The following GRID2 variants were observed in gnomAD, a reference collection of about 807,000 sequenced individuals.
GRID2 encodes the protein glutamate ionotropic receptor delta type subunit 2.
In GRID2, 33 loss-of-function variants were observed where a neutral mutation model predicts 114.8. The ratio of observed to expected loss-of-function variants is 0.29; its 90% CI spans 0.22 to 0.38. GRID2 has a LOEUF of 0.38. Among genes scored for constraint, GRID2 ranks in the 10% least tolerant of loss-of-function variants. GRID2 has a pLI of 1.00. For missense variants in GRID2, 1,184 were observed against 1,257.7 expected (o/e 0.94, Z 0.89); for synonymous variants, 505 against 449.9 (o/e 1.12, Z -1.55).
intron 8 of GRID2, among the ~76,000 whole-genome samples, chr4:93,308,974 A>C (rs769844442): frequency 6.6e-6 from 1 of 152,210 alleles, no homozygotes; most frequent in African/African-American, 2.4e-5. Context: ...CAACAGCCAC[A>C]CTATCTAAAA....
chr4:93,684,679 A>T (rs1725912298), intron 14 of GRID2, among the ~76,000 whole-genome samples: 1 of 152,044 alleles, frequency 6.6e-6, no homozygotes, highest in Admixed American at 6.6e-5. Context: ...GCCTTACAGG[A>T]TTCTTGCCAC....
At position 92,758,233 on chromosome 4, in the gene GRID2, T is replaced by C. The variant is rs1419509317; in HGVS notation, c.244+167947T>C. Among the ~76,000 whole-genome samples the C allele has an allele frequency of 3.9e-5, 6 of 152,084 alleles. No homozygotes were observed. In the East Asian group the frequency reaches 9.7e-4, roughly 24 times the overall value. ...AATTATCAGCTGAGAATAGGAGAAGTGGTATTGGAGGTTTGAGGACCAAAA... is the reference window on the plus strand; with the variant it reads ...AATTATCAGCTGAGAATAGGAGAAGCGGTATTGGAGGTTTGAGGACCAAAA... On this transcript the variant is annotated intron_variant, in intron 2 of 15. Coordinates refer to ENST00000282020, the MANE Select transcript of GRID2 (RefSeq NM_001510.4).
chr4:93,323,347 A>T (rs1258299035), intron 8 of GRID2, among the ~76,000 whole-genome samples: 2 of 152,166 alleles, frequency 1.3e-5, no homozygotes, highest in Admixed American at 6.6e-5. Context: ...GTCAAAGATC[A>T]GCTGGTTGTA....
intron 2 of GRID2, among the ~76,000 whole-genome samples, chr4:92,874,406 A>C (rs888108290): frequency 2.0e-5 from 3 of 152,220 alleles, no homozygotes; most frequent in Non-Finnish European, 4.4e-5. Context: ...CCTTTAGTTC[A>C]TTTTAAAACA....
chr4:93,513,029 C>G (rs780732396), intron 12 of GRID2, among the ~76,000 whole-genome samples: 3 of 152,086 alleles, frequency 2.0e-5, no homozygotes, highest in Non-Finnish European at 4.4e-5. Flanking sequence ...TGTGATCTCA[C>G]CTCCATTAGA....
chr4:92,681,111 T>C (rs1041818834), intron 2 of GRID2, among the ~76,000 whole-genome samples: 3 of 152,162 alleles, frequency 2.0e-5, no homozygotes, highest in Admixed American at 6.5e-5. Flanking sequence ...AATAAAAGGA[T>C]TATTGATACT....
At position 93,679,856 on chromosome 4, in the gene GRID2, C is replaced by T. The variant is rs1428702437; in HGVS notation, c.2360+53421C>T. ...ATCCAAAATTGACACCCTAACATCACAATTAAAAGAACTAGAAAAGCAAGA... is the reference window on the plus strand; with the variant it reads ...ATCCAAAATTGACACCCTAACATCATAATTAAAAGAACTAGAAAAGCAAGA... On this transcript the variant is annotated intron_variant, in intron 14 of 15. Transcript: ENST00000282020. Among the ~76,000 whole-genome samples, 9 of 150,828 alleles carry T rather than the reference C, an allele frequency of 6.0e-5. No individual in the cohort carries two copies. The East Asian group carries it at 1.7e-3, about 29-fold the overall frequency.
intron 1 of GRID2, among the ~76,000 whole-genome samples, chr4:92,414,843 G>A (rs1313700044): frequency 1.3e-5 from 2 of 152,060 alleles, no homozygotes; most frequent in East Asian, 3.9e-4. Context: ...ACCTCACTAA[G>A]TGGTATATTT....
chr4:92,906,953 C>A (rs1487158943), intron 2 of GRID2, among the ~76,000 whole-genome samples: 2 of 152,180 alleles, frequency 1.3e-5, no homozygotes, highest in Non-Finnish European at 1.5e-5. Context: ...CCACACCAGA[C>A]GTACTCAACG....
chr4:93,124,106 TAAAA>T (rs35906944), intron 4 of GRID2, among the ~76,000 whole-genome samples: 14 of 131,212 alleles, frequency 1.1e-4, no homozygotes, highest in African/African-American at 3.0e-4. Context: ...TAAAGTATAA[TAAAA>T]AAAAAAGAAA....
At chr4:92,689,329 G>A (rs1009722347) in intron 2 of GRID2, among the ~76,000 whole-genome samples, 5 of 152,168 alleles carry the variant, frequency 3.3e-5, no homozygotes, top group Admixed American at 2.0e-4. Flanking sequence ...GTCCTAGATG[G>A]CGTCTTCTTC....
intron 2 of GRID2, among the ~76,000 whole-genome samples, chr4:93,025,126 G>A (rs988412230): frequency 1.1e-4 from 16 of 151,524 alleles, no homozygotes; most frequent in Admixed American, 4.0e-4. Context: ...GAGGGAAGAA[G>A]GGAGGGAGAG....
Position 92,836,923 on chromosome 4 carries a change from G to A in GRID2, c.244+246637G>A, listed in dbSNP as rs559227718. 5.0e-4 allele frequency among the ~76,000 whole-genome samples: 76 copies of A among 152,214 alleles called. No homozygotes were observed. In the South Asian group the frequency reaches 8.1e-3, roughly 16 times the overall value. On this transcript the variant is annotated intron_variant, in intron 2 of 15. Transcript: ENST00000282020. Reference sequence around the variant, plus strand: ...CACAGATCTGCTTCAAAAGAAAATCGAAAATCTTCAAGCGAAGATTGCTTG... The same window carrying A: ...CACAGATCTGCTTCAAAAGAAAATCAAAAATCTTCAAGCGAAGATTGCTTG...
intron 2 of GRID2, among the ~76,000 whole-genome samples, chr4:92,799,801 A>T (rs1426193078): frequency 6.6e-6 from 1 of 152,030 alleles, no homozygotes; most frequent in African/African-American, 2.4e-5. Flanking sequence ...TGCCCATAAC[A>T]GTAAGTATCG....
intron 4 of GRID2, among the ~76,000 whole-genome samples, chr4:93,120,752 G>A (rs537688188): frequency 4.1e-4 from 63 of 152,064 alleles, no homozygotes; most frequent in South Asian, 8.3e-4. Flanking sequence ...AGTAGATCGA[G>A]ACCATCCTGG....
At chr4:92,874,950 C>G (rs1031225054) in intron 2 of GRID2, among the ~76,000 whole-genome samples, 2 of 152,050 alleles carry the variant, frequency 1.3e-5, no homozygotes, top group African/African-American at 4.8e-5. Flanking sequence ...CAATCATTCA[C>G]ATAATTTTTT....
intron 8 of GRID2, among the ~76,000 whole-genome samples, chr4:93,341,733 C>T (rs900273856): frequency 1.3e-5 from 2 of 152,086 alleles, no homozygotes; most frequent in Non-Finnish European, 2.9e-5. Flanking sequence ...TGGGAAAGTC[C>T]TGGATTTGCC....
intron 2 of GRID2, among the ~76,000 whole-genome samples, chr4:92,997,454 A>G (rs922997384): frequency 6.6e-6 from 1 of 152,156 alleles, no homozygotes; most frequent in Non-Finnish European, 1.5e-5. Flanking sequence ...CCTTGGAGAT[A>G]TAAATTATTA....
In GRID2 at chr4:92,592,796, T is replaced by A. The variant is rs549355514; in HGVS notation, c.244+2510T>A. Among the ~76,000 whole-genome samples the A allele has an allele frequency of 3.3e-5, 5 of 151,212 alleles. No homozygotes were observed. In the South Asian group the frequency reaches 1.0e-3, roughly 32 times the overall value. On this transcript the variant is annotated intron_variant, in intron 2 of 15. Transcript: ENST00000282020. Reference sequence around the variant, plus strand: ...ATATCAAGAAGGGTTTCAGTTAATGTTAGAAGTAAAAATACTTATTTATAG... The same window carrying A: ...ATATCAAGAAGGGTTTCAGTTAATGATAGAAGTAAAAATACTTATTTATAG...
Sources: gnomAD v4.1 joint callset for allele counts (sites outside exome capture counted in the v4.1 genomes callset) on GRCh38, gnomAD v4.1.1 for gene constraint, MANE v1.5 for transcripts, NCBI Gene and HGNC (gene_info 2026-07-23, HGNC 2026-07-21) for gene names.